The following KCTD1 variants were observed in gnomAD, a reference collection of about 807,000 sequenced individuals.
KCTD1 encodes the protein potassium channel tetramerization domain containing 1.
KCTD1 carries 24 observed loss-of-function variants against 66.0 expected under a neutral mutation model. That is an observed-to-expected ratio of 0.36 (90% CI 0.26 to 0.51). KCTD1 has a LOEUF of 0.51. Among genes scored for constraint, KCTD1 ranks in the 20% least tolerant of loss-of-function variants. The pLI is 0.95. For synonymous variants in KCTD1, 511 were observed against 517.2 expected (o/e 0.99, Z 0.16); for missense variants, 943 against 1,205.2 (o/e 0.78, Z 3.22).
chr18:26,458,175 G>A (rs1023358431), intron 4 of KCTD1: 1 of 152,376 alleles, frequency 6.6e-6, no homozygotes, highest in East Asian at 1.9e-4. Flanking sequence ...CGGGAACCCT[G>A]CGACCCAGCA....
At position 26,548,552 on chromosome 18, in the gene KCTD1, C is replaced by T; in HGVS notation, c.-16G>A. 1.6e-6 allele frequency: 2 copies of T among 1,222,962 alleles called. No individual in the cohort carries two copies. The highest frequency in any genetic ancestry group is 2.0e-6 in the Non-Finnish European group (2 of 984,024). 75.8% of individuals were successfully genotyped at this position (1,222,962 alleles called of 1,614,324 possible). ...TTCTCGCCATATTGCCGTCTCTCTG[C>T]CAGTCCTCGGGCAGGGCGCATGCGC... On this transcript the variant is annotated 5_prime_UTR_variant, in exon 1 of 5. Transcript: ENST00000580059.
chr18:26,476,801 G>A lies in KCTD1; in HGVS notation c.1989-142C>T. On this transcript the variant is annotated intron_variant, in intron 2 of 4. Transcript: ENST00000580059. The surrounding 1 kb of genome is among the most constrained non-coding windows in gnomAD (Gnocchi z 4.9). ...AAATTACGATTGTCTGCAAAGTGTT[G>A]GTCCCCGCTTGATAAATATCTCAGG... 1 of 670,876 alleles carries A rather than the reference G, an allele frequency of 1.5e-6. No individual in the cohort carries two copies. The highest frequency in any genetic ancestry group is 2.5e-6 in the Non-Finnish European group (1 of 392,686). 41.6% of individuals were successfully genotyped at this position (670,876 alleles called of 1,614,324 possible).
intron 1 of KCTD1, among the ~76,000 whole-genome samples, chr18:26,511,555 T>C (rs1001026299): frequency 2.0e-5 from 3 of 152,174 alleles, no homozygotes; most frequent in Non-Finnish European, 4.4e-5. Context: ...GCGTCTAACA[T>C]GTAGAGAGGG....
intron 1 of KCTD1, among the ~76,000 whole-genome samples, chr18:26,639,787 C>T (rs1004625604): frequency 3.3e-5 from 5 of 152,166 alleles, no homozygotes; most frequent in East Asian, 3.9e-4. Context: ...AACCCTGGGT[C>T]GCATAGTTGG....
At chr18:26,514,750 T>C (rs538219189) in intron 1 of KCTD1, among the ~76,000 whole-genome samples, 17 of 152,250 alleles carry the variant, frequency 1.1e-4, no homozygotes, top group Middle Eastern at 3.4e-3. Context: ...ATAGACCAAT[T>C]CTCTTCTGGC....
intron 1 of KCTD1, among the ~76,000 whole-genome samples, chr18:26,626,516 C>G (rs1249849919): frequency 6.7e-6 from 1 of 149,358 alleles, no homozygotes; most frequent in African/African-American, 2.5e-5. Flanking sequence ...TGCTCCATCA[C>G]CCAGGGTGGA....
chr18:26,493,133 G>A (rs1251106313), intron 2 of KCTD1, among the ~76,000 whole-genome samples: 1 of 152,210 alleles, frequency 6.6e-6, no homozygotes, highest in Non-Finnish European at 1.5e-5. Context: ...ATGAGACTGA[G>A]TTTTGGGTTA....
intron 1 of KCTD1, among the ~76,000 whole-genome samples, chr18:26,637,660 G>C (rs1987751571): frequency 6.6e-6 from 1 of 152,186 alleles, no homozygotes; most frequent in Non-Finnish European, 1.5e-5. Context: ...GAAGATTCCA[G>C]AACACAAAAG....
intron 1 of KCTD1, chr18:26,566,851 A>AAAT (rs397711858): frequency 4.7e-5 from 7 of 147,382 alleles, no homozygotes; most frequent in Non-Finnish European, 9.0e-5. Flanking sequence ...AAAAAAAAAA[A>AAAT]GTTGGGGGTG....
chr18:26,504,215 A>G (rs1418771971), intron 1 of KCTD1, among the ~76,000 whole-genome samples: 5 of 152,130 alleles, frequency 3.3e-5, no homozygotes, highest in Admixed American at 6.5e-5. Flanking sequence ...TACTACAGGT[A>G]CGTGCCACCA....
chr18:26,579,637 T>G (rs1224846255), intron 1 of KCTD1, among the ~76,000 whole-genome samples: 1 of 152,216 alleles, frequency 6.6e-6, no homozygotes, highest in Non-Finnish European at 1.5e-5. Context: ...ATAAATTACA[T>G]GCAAAACACA....
At chr18:26,539,625 G>C (rs1984878822) in intron 1 of KCTD1, among the ~76,000 whole-genome samples, 1 of 152,228 alleles carries the variant, frequency 6.6e-6, no homozygotes, top group Admixed American at 6.5e-5. Context: ...AGTACAACAA[G>C]ATGGGAGCCT....
In KCTD1 at chr18:26,567,230, C is replaced by T. The variant is rs138495738; in HGVS notation, c.-16+61917G>A. Among the ~76,000 whole-genome samples, 170 of 152,280 alleles carry T rather than the reference C, an allele frequency of 1.1e-3. 1 individual carries two copies. Among genetic ancestry groups the T allele is most frequent in the African/African-American group, 3.9e-3 (161 of 41,554 alleles). On this transcript the variant is annotated intron_variant, in intron 1 of 4. Transcript: ENST00000317932. Reference sequence around the variant, plus strand: ...CTTTTAGGATTTCTGCTAATCCTTACCTTCAGATAAGAAATCCCCAGGCAT... The same window carrying T: ...CTTTTAGGATTTCTGCTAATCCTTATCTTCAGATAAGAAATCCCCAGGCAT...
At chr18:26,594,164 C>T (rs549438762) in intron 1 of KCTD1, among the ~76,000 whole-genome samples, 90 of 152,266 alleles carry the variant, frequency 5.9e-4, no homozygotes, top group African/African-American at 2.1e-3. Context: ...TCTTCTACTC[C>T]ATGGTCTAGA....
intron 1 of KCTD1, among the ~76,000 whole-genome samples, chr18:26,648,900 G>A (rs1987977335): frequency 6.6e-6 from 1 of 152,190 alleles, no homozygotes; most frequent in Non-Finnish European, 1.5e-5. Flanking sequence ...GATGGATGAG[G>A]ATTACACAAG....
rs755283423 is a variant in KCTD1 at position 26,548,360 on chromosome 18, TTCC to T, written c.174_176del (p.Glu63del). 7.2e-4 allele frequency: 1,059 copies of T among 1,464,490 alleles called. No individual in the cohort carries two copies. The highest frequency in any genetic ancestry group is 2.6e-3 in the South Asian group (196 of 74,984). 90.7% of individuals were successfully genotyped at this position (1,464,490 alleles called of 1,614,324 possible). A position where few individuals can be genotyped will look rare whatever the true frequency, so the allele number is the denominator to read the frequency against. On this transcript the variant is annotated inframe_deletion, in exon 1 of 5. Transcript: ENST00000580059. ...CCTGGATCTCGTCCTCCTCCTCCTC[TTCC>T]TCCTCCTCCTCGCCCGCGCTGCAGT...
upstream of KCTD1, chr18:26,549,823 G>C: frequency 2.0e-6 from 2 of 985,348 alleles, no homozygotes; most frequent in Non-Finnish European, 2.4e-6. Flanking sequence ...AGCAGCCAAA[G>C]AGCTCGCCGG....
At chr18:26,485,939 T>C (rs1023138495) in intron 2 of KCTD1, among the ~76,000 whole-genome samples, 2 of 150,774 alleles carry the variant, frequency 1.3e-5, no homozygotes, top group African/African-American at 4.9e-5. Flanking sequence ...TTAATCCTTT[T>C]TTTTTTTTTT....
intron 1 of KCTD1, among the ~76,000 whole-genome samples, chr18:26,613,835 G>A (rs1442990548): frequency 1.3e-5 from 2 of 151,910 alleles, no homozygotes; most frequent in African/African-American, 4.8e-5. Flanking sequence ...TCCCTATATC[G>A]GGGCCTTTGC....
Sources: gnomAD v4.1 joint callset for allele counts (sites outside exome capture counted in the v4.1 genomes callset) on GRCh38, gnomAD v4.1.1 for gene constraint, Gnocchi (gnomAD v3.1) non-coding constraint, MANE v1.5 for transcripts, NCBI Gene and HGNC (gene_info 2026-07-23, HGNC 2026-07-21) for gene names.